GALNT13: variants seen among roughly 807,000 people sequenced by gnomAD.
The protein encoded by GALNT13 is UDP-GalNAc:polypeptide N-acetylgalactosaminyltransferase 13.
In GALNT13, 28 loss-of-function variants were observed where a neutral mutation model predicts 64.2. The ratio of observed to expected loss-of-function variants is 0.44; its 90% confidence interval spans 0.32 to 0.60. GALNT13 has a LOEUF of 0.60. Among genes scored for constraint, GALNT13 ranks in the 20% least tolerant of loss-of-function variants. The pLI is 0.05. For missense variants in GALNT13, 577 were observed against 669.8 expected, an observed-to-expected ratio of 0.86 and a Z score of 1.53; for synonymous variants, 214 against 224.6, an observed-to-expected ratio of 0.95 and a Z score of 0.42.
intron 3 of GALNT13, among the ~76,000 whole-genome samples, chr2:154,025,155 G>A (rs1697857880): frequency 6.6e-6 from 1 of 151,928 alleles, no homozygotes; most frequent in African/African-American, 2.4e-5. Flanking sequence ...CCCACTTGAG[G>A]AGGCAGTCTG....
chr2:153,182,699 G>T, the GALNT13 span, among the ~76,000 whole-genome samples: 1 of 152,196 alleles, frequency 6.6e-6, no homozygotes, highest in African/African-American at 2.4e-5. Context: ...ACTTATTAGT[G>T]AGAACATGAG....
rs540251015 is a variant in GALNT13 at position 153,983,096 on chromosome 2, T to G, written c.142+38457T>G. 5.9e-5 allele frequency among the ~76,000 whole-genome samples: 9 copies of G among 152,108 alleles called. No individual in the cohort carries two copies. In the South Asian group the frequency reaches 1.9e-3, roughly 31 times the overall value. On this transcript the variant is annotated intron_variant, in intron 3 of 12. Coordinates refer to ENST00000392825, the MANE Select transcript of GALNT13 (RefSeq NM_052917.4). Reference sequence around the variant, plus strand: ...AAGCGATATTGAAATAAGTCTATTCTGTTTATAAACTAATTCTGTCTTGCA... The same window carrying G: ...AAGCGATATTGAAATAAGTCTATTCGGTTTATAAACTAATTCTGTCTTGCA...
chr2:153,545,500 G>A, the GALNT13 span, among the ~76,000 whole-genome samples: 1 of 152,132 alleles, frequency 6.6e-6, no homozygotes, highest in Non-Finnish European at 1.5e-5. Context: ...AGAGGAGAAT[G>A]GATATTGGAG....
chr2:153,805,582 T>C, the GALNT13 span, among the ~76,000 whole-genome samples: 1 of 152,046 alleles, frequency 6.6e-6, no homozygotes, highest in African/African-American at 2.4e-5. Context: ...GAATCCTACA[T>C]GAGTGTTACA....
chr2:153,971,010 T>A (rs901165658), intron 3 of GALNT13, among the ~76,000 whole-genome samples: 1 of 152,184 alleles, frequency 6.6e-6, no homozygotes, highest in Non-Finnish European at 1.5e-5. Flanking sequence ...GGAGTCACAT[T>A]GACTTTAGGT....
At chr2:153,251,413 T>C in the GALNT13 span, among the ~76,000 whole-genome samples, 2 of 152,232 alleles carry the variant, frequency 1.3e-5, no homozygotes, top group African/African-American at 2.4e-5. Context: ...CCTCTTTTAA[T>C]GATGATTTTA....
At position 154,266,808 on chromosome 2, in the gene GALNT13, G is replaced by A. The variant is rs1691029627; in HGVS notation, c.975+7670G>A. 3.3e-5 allele frequency among the ~76,000 whole-genome samples: 5 copies of A among 151,506 alleles called. No individual in the cohort carries two copies. The South Asian group carries it at 1.0e-3, about 32-fold the overall frequency. ...TTAACTATTGCATTGAATCTATATT[G>A]ATAAGCAATAGTAAATAAAACTTAT... On this transcript the variant is annotated intron_variant, in intron 8 of 12. Transcript: ENST00000392825.
At chr2:154,238,191 G>T (rs945013590) in intron 4 of GALNT13, among the ~76,000 whole-genome samples, 1 of 151,928 alleles carries the variant, frequency 6.6e-6, no homozygotes, top group East Asian at 1.9e-4. Context: ...TCCACAAGAG[G>T]TTGACACTGT....
chr2:153,944,781 C>A, intron 3 of GALNT13, 142 bp downstream of exon 3: 1 of 623,942 alleles, frequency 1.6e-6, no homozygotes, highest in Non-Finnish European at 2.7e-6. Context: ...GCATGTTTAA[C>A]CATGGGGAAG....
intron 3 of GALNT13, among the ~76,000 whole-genome samples, chr2:154,015,807 T>C (rs1436991526): frequency 4.6e-5 from 7 of 152,220 alleles, no homozygotes; most frequent in Admixed American, 4.6e-4. Flanking sequence ...GATTTTGTAC[T>C]CTCCTGCCTA....
the GALNT13 span, among the ~76,000 whole-genome samples, chr2:153,635,049 T>C: frequency 6.6e-6 from 1 of 152,038 alleles, no homozygotes; most frequent in African/African-American, 2.4e-5. Flanking sequence ...TTCTAAGAAG[T>C]GTGGAACTGA....
chr2:153,303,577 G>T, the GALNT13 span, among the ~76,000 whole-genome samples: 1 of 152,062 alleles, frequency 6.6e-6, no homozygotes, highest in Non-Finnish European at 1.5e-5. Flanking sequence ...TAGGATTTCT[G>T]GTACTATGTT....
At chr2:154,412,924 GA>G (rs1397735117) in intron 11 of GALNT13, among the ~76,000 whole-genome samples, 2 of 151,798 alleles carry the variant, frequency 1.3e-5, no homozygotes, top group Non-Finnish European at 2.9e-5. Flanking sequence ...GCAACTTCAT[GA>G]TAATCATTAA....
chr2:153,626,576 G>A, the GALNT13 span, among the ~76,000 whole-genome samples: 1 of 152,036 alleles, frequency 6.6e-6, no homozygotes, highest in African/African-American at 2.4e-5. Context: ...GCACATAAGA[G>A]GTGCTCAATA....
chr2:154,190,997 G>T (rs1461155402), intron 4 of GALNT13, among the ~76,000 whole-genome samples: 1 of 152,056 alleles, frequency 6.6e-6, no homozygotes, highest in Non-Finnish European at 1.5e-5. Flanking sequence ...TATTTCAAAT[G>T]CTCAATAGCC....
the GALNT13 span, among the ~76,000 whole-genome samples, chr2:153,341,568 A>G: frequency 2.6e-5 from 4 of 152,352 alleles, no homozygotes; most frequent in Admixed American, 6.5e-5. Flanking sequence ...CTTAAAGTGC[A>G]TAAGCCGTTC....
At chr2:153,606,236 C>T in the GALNT13 span, among the ~76,000 whole-genome samples, 5 of 151,900 alleles carry the variant, frequency 3.3e-5, no homozygotes, top group South Asian at 2.1e-4. Flanking sequence ...GGTGTACATA[C>T]GTATATACAC....
At chr2:153,109,711 T>C in the GALNT13 span, among the ~76,000 whole-genome samples, 1 of 152,124 alleles carries the variant, frequency 6.6e-6, no homozygotes, top group South Asian at 2.1e-4. Flanking sequence ...TTCACTATCA[T>C]CTTAGGACAA....
chr2:154,387,102 A>G (rs187358350), intron 9 of GALNT13, among the ~76,000 whole-genome samples: 132 of 152,292 alleles, frequency 8.7e-4, no homozygotes, highest in African/African-American at 2.4e-3. Context: ...GGAATAGTCA[A>G]TCAGCCAGTT....
Sources: allele counts gnomAD v4.1 joint callset (sites outside exome capture counted in the v4.1 genomes callset), GRCh38; gene constraint gnomAD v4.1.1; transcripts MANE v1.5; gene names NCBI Gene and HGNC (gene_info 2026-07-23, HGNC 2026-07-21).